DLGAP2: variants seen among roughly 807,000 people sequenced by gnomAD.
The protein encoded by DLGAP2 is disks large-associated protein 2.
Under a neutral mutation model 100.3 loss-of-function variants are expected in DLGAP2, and 26 were observed. That is an observed-to-expected ratio of 0.26 (90% CI 0.19 to 0.36). The LOEUF is 0.36. DLGAP2 is among the 10% of genes least tolerant of loss of function. DLGAP2 has a pLI of 1.00. For missense variants in DLGAP2, 1,858 were observed against 1,453.2 expected (o/e 1.28, Z -4.53); for synonymous variants, 886 against 630.1 (o/e 1.41, Z -6.08).
At chr8:1,498,368 G>A (rs560446777) in intron 3 of DLGAP2, among the ~76,000 whole-genome samples, 18 of 114,466 alleles carry the variant, frequency 1.6e-4, no homozygotes, top group African/African-American at 4.7e-4. Flanking sequence ...TTCAAGATAC[G>A]GCAAAATAAA....
intron 1 of DLGAP2, among the ~76,000 whole-genome samples, chr8:872,328 C>CT (rs770291812): frequency 0.075 from 9,637 of 129,156 alleles, 755 homozygotes; most frequent in Admixed American, 0.19. Flanking sequence ...TCTCTCACTT[C>CT]TTTTCTTTTT....
intron 3 of DLGAP2, among the ~76,000 whole-genome samples, chr8:1,287,464 G>A (rs371801216): frequency 9.8e-6 from 1 of 102,268 alleles, no homozygotes; most frequent in Non-Finnish European, 1.9e-5. Context: ...AACTAGTTTC[G>A]GTTCAGCGTG....
At chr8:1,077,048 T>TGGA (rs1323499965) in intron 2 of DLGAP2, among the ~76,000 whole-genome samples, 5 of 137,800 alleles carry the variant, frequency 3.6e-5, no homozygotes, top group African/African-American at 1.4e-4. Context: ...ACCAAGAGGG[T>TGGA]GGAGGAGTCT....
chr8:879,662 C>G (rs1181986011), intron 1 of DLGAP2, among the ~76,000 whole-genome samples: 1 of 152,218 alleles, frequency 6.6e-6, no homozygotes, highest in East Asian at 1.9e-4. Flanking sequence ...CCTTCTGACT[C>G]ACTTCCCTCC....
At chr8:901,395 G>A (rs898959895) in intron 1 of DLGAP2, among the ~76,000 whole-genome samples, 5 of 152,224 alleles carry the variant, frequency 3.3e-5, no homozygotes, top group African/African-American at 1.2e-4. Flanking sequence ...AAGTTAACAG[G>A]TGAATCTCTT....
At chr8:1,147,932 A>C (rs1433230187) in intron 2 of DLGAP2, among the ~76,000 whole-genome samples, 1 of 152,216 alleles carries the variant, frequency 6.6e-6, no homozygotes, top group African/African-American at 2.4e-5. Context: ...TTTACAACAG[A>C]TTGTCTATTT....
At position 1,187,706 on chromosome 8, in the gene DLGAP2, C is replaced by T. The variant is rs931054099; in HGVS notation, c.74-71145C>T. 4.8e-5 allele frequency among the ~76,000 whole-genome samples: 7 copies of T among 144,428 alleles called. 1 individual carries two copies. Among genetic ancestry groups the T allele is most frequent in the African/African-American group, 1.3e-4 (5 of 38,554 alleles). 94.8% of individuals were successfully genotyped at this position (144,428 alleles called of 152,430 possible). A position where few individuals can be genotyped will look rare whatever the true frequency, so the allele number is the denominator to read the frequency against. The stretch of plus-strand genomic sequence containing the variant: ...CCTCACACGCCCAGGACCTCTGTGA[C>T]GTTTCCCTCACGGAATCTCACACGC... On this transcript the variant is annotated intron_variant, in intron 2 of 14. Coordinates refer to ENST00000637795, the MANE Select transcript of DLGAP2 (RefSeq NM_001346810.2).
chr8:1,350,634 C>T (rs1194726321), intron 3 of DLGAP2, among the ~76,000 whole-genome samples: 4 of 89,406 alleles, frequency 4.5e-5, no homozygotes, highest in Non-Finnish European at 6.6e-5. Context: ...GTGGAAAGGC[C>T]GTGCGGGTCC....
intron 3 of DLGAP2, among the ~76,000 whole-genome samples, chr8:1,292,090 T>C (rs999244664): frequency 7.2e-5 from 11 of 152,162 alleles, no homozygotes; most frequent in African/African-American, 2.4e-4. Context: ...ACAGATGAAT[T>C]GTGGTGTGTC....
intron 5 of DLGAP2, among the ~76,000 whole-genome samples, chr8:1,558,074 A>G (rs1184426053): frequency 6.6e-6 from 1 of 152,186 alleles, no homozygotes; most frequent in Non-Finnish European, 1.5e-5. Flanking sequence ...AGGTTGGAGC[A>G]GGCACCTTGG....
intron 2 of DLGAP2, among the ~76,000 whole-genome samples, chr8:1,255,520 TCTC>T (rs757415862): frequency 1.8e-5 from 2 of 112,572 alleles, no homozygotes; most frequent in Non-Finnish European, 3.3e-5. Context: ...GTGTGTGTCA[TCTC>T]CTGCCTGGGA....
intron 1 of DLGAP2, among the ~76,000 whole-genome samples, chr8:759,135 A>C (rs1395985137): frequency 1.9e-5 from 1 of 52,632 alleles, no homozygotes; most frequent in African/African-American, 4.8e-5. Context: ...AATACCCCTG[A>C]CAGCTTTCCC....
At chr8:1,498,204 G>A (rs1164812855) in intron 3 of DLGAP2, among the ~76,000 whole-genome samples, 1 of 152,164 alleles carries the variant, frequency 6.6e-6, no homozygotes. Flanking sequence ...TTGTGGAGAT[G>A]CAGTTCCCAC....
In DLGAP2 at chr8:1,703,417, G is replaced by A. The variant is rs921514748; in HGVS notation, c.*2011G>A. On this transcript the variant is annotated 3_prime_UTR_variant, in exon 15 of 15. Transcript: ENST00000637795. The stretch of plus-strand genomic sequence containing the variant: ...ATCTTGAGTAGTGTACGGTAATGAC[G>A]CTTCTTCCTATATCCACTCTTATTA... 5.9e-5 allele frequency: 9 copies of A among 152,562 alleles called. No homozygotes were observed. The highest frequency in any genetic ancestry group is 1.3e-4 in the Admixed American group (2 of 15,276). The allele number at this position is 152,562 out of a possible 1,614,324, so 9.5% of individuals were successfully genotyped here. A position where few individuals can be genotyped will look rare whatever the true frequency, so the allele number is the denominator to read the frequency against.
intron 2 of DLGAP2, among the ~76,000 whole-genome samples, chr8:1,082,076 G>A (rs1021423894): frequency 1.3e-5 from 2 of 152,162 alleles, no homozygotes; most frequent in Non-Finnish European, 2.9e-5. Context: ...GTGGCGAGTC[G>A]TGTGATGTCT....
intron 2 of DLGAP2, among the ~76,000 whole-genome samples, chr8:926,132 G>A (rs1423782480): frequency 3.9e-5 from 6 of 152,164 alleles, no homozygotes; most frequent in Non-Finnish European, 2.9e-5. Context: ...GGGCTGGCCG[G>A]TTCCTGGGGA....
intron 1 of DLGAP2, among the ~76,000 whole-genome samples, chr8:872,378 G>T (rs917603476): frequency 6.9e-6 from 1 of 144,530 alleles, no homozygotes; most frequent in Non-Finnish European, 1.5e-5. Flanking sequence ...TTGCTGCCCA[G>T]GCTGGAGTAC....
At chr8:1,676,689 C>G (rs150506542) in intron 11 of DLGAP2, 71 bp downstream of exon 11, 11 of 1,465,662 alleles carry the variant, frequency 7.5e-6, no homozygotes, top group South Asian at 1.2e-5. Context: ...GATGGAAGCT[C>G]CTAGATCCTG....
intron 3 of DLGAP2, among the ~76,000 whole-genome samples, chr8:1,458,964 A>G (rs1187327359): frequency 6.7e-6 from 1 of 149,392 alleles, no homozygotes; most frequent in East Asian, 1.9e-4. Context: ...AGTGACAACC[A>G]GGTGGTTTAC....
Sources: gnomAD v4.1 joint callset for allele counts (sites outside exome capture counted in the v4.1 genomes callset) on GRCh38, gnomAD v4.1.1 for gene constraint, MANE v1.5 for transcripts, NCBI Gene and HGNC (gene_info 2026-07-23, HGNC 2026-07-21) for gene names.